Variants in PPIP5K2 observed in about 807,000 individuals in gnomAD.
PPIP5K2 encodes the protein inositol hexakisphosphate and diphosphoinositol-pentakisphosphate kinase 2.
In PPIP5K2, 105 loss-of-function variants were observed where a neutral mutation model predicts 154.6. The observed-to-expected ratio is 0.68, with a 90% confidence interval of 0.58 to 0.80. PPIP5K2 has a LOEUF of 0.80. Ranked by LOEUF, PPIP5K2 falls within the 30% of genes least tolerant of loss-of-function variation. The probability of loss-of-function intolerance (pLI) is 0.00; values close to 1 mark genes in which losing one functional copy is unlikely to be tolerated. For missense variants in PPIP5K2, 992 were observed against 1,504.6 expected (o/e 0.66, Z 5.64); for synonymous variants, 480 against 490.3 (o/e 0.98, Z 0.28).
chr5:103,142,075 G>A (rs1792813551), intron 5 of PPIP5K2, among the ~76,000 whole-genome samples: 1 of 152,210 alleles, frequency 6.6e-6, no homozygotes, highest in African/African-American at 2.4e-5. Context: ...TGGGCGCCGT[G>A]GAGCAGGGGG....
At chr5:103,131,861 A>C (rs961611845) in intron 2 of PPIP5K2, among the ~76,000 whole-genome samples, 1 of 152,292 alleles carries the variant, frequency 6.6e-6, no homozygotes, top group Admixed American at 6.5e-5. Context: ...TAAGAATGTA[A>C]GTTTATTTAT....
intron 25 of PPIP5K2, chr5:103,184,453 TC>T (rs1800038428): frequency 4.7e-6 from 2 of 423,048 alleles, no homozygotes; most frequent in Non-Finnish European, 8.5e-6. Context: ...GATGTTTCAT[TC>T]TGAATGCCTG....
chr5:103,167,506 A>C (rs1797313980), intron 18 of PPIP5K2, among the ~76,000 whole-genome samples, 186 bp downstream of exon 18: 1 of 152,042 alleles, frequency 6.6e-6, no homozygotes, highest in Non-Finnish European at 1.5e-5. Flanking sequence ...CCATGACAGC[A>C]TGAAAGAGAA....
At position 103,159,047 on chromosome 5, in the gene PPIP5K2, A is replaced by G. The variant is rs257292; in HGVS notation, c.1738-99A>G. On this transcript the variant is annotated intron_variant, in intron 16 of 30. Coordinates refer to ENST00000358359, the MANE Select transcript of PPIP5K2 (RefSeq NM_001276277.3). ...GTAGTATTAATAAAGTTTATTTATGATAAACTTAACTTATACTTTATGAAA... is the reference window on the plus strand; with the variant it reads ...GTAGTATTAATAAAGTTTATTTATGGTAAACTTAACTTATACTTTATGAAA... 299,122 of 837,064 alleles carry G rather than the reference A, an allele frequency of 0.36. 55,931 individuals carry two copies. Among genetic ancestry groups the G allele is most frequent in the African/African-American group, 0.53 (29,661 of 56,226 alleles). 51.9% of individuals were successfully genotyped at this position (837,064 alleles called of 1,614,324 possible).
In PPIP5K2 at chr5:103,151,387, A is replaced by T; in HGVS notation, c.1028+13A>T. The T allele has an allele frequency of 6.3e-7, 1 of 1,579,652 alleles. No homozygotes were observed. Among genetic ancestry groups the T allele is most frequent in the Non-Finnish European group, 8.6e-7 (1 of 1,159,624 alleles). ...CAAAAATACTTGGGTAAGAATTTTT[A>T]AATTTTTCTTTTTACCTTCATATAC... On this transcript the variant is annotated intron_variant, in intron 9 of 30. Coordinates refer to ENST00000358359, the MANE Select transcript of PPIP5K2 (RefSeq NM_001276277.3).
rs1201162776 is a variant in PPIP5K2, at chr5:103,210,107, A to G, written c.*8473A>G. On this transcript the variant is annotated 3_prime_UTR_variant, in exon 31 of 31. Transcript: ENST00000358359. ...CGGTGAAATAGATGTAAAAGCCACA[A>G]AGAGAGAATCAATGAGCCACACTCA... is the stretch of plus-strand genomic sequence containing the variant. 1.3e-5 allele frequency: 2 copies of G among 152,214 alleles called. No homozygotes were observed. The highest frequency in any genetic ancestry group is 1.3e-4 in the Admixed American group (2 of 15,258). The allele number at this position is 152,214 out of a possible 1,614,324, so 9.4% of individuals were successfully genotyped here. A position where few individuals can be genotyped will look rare whatever the true frequency, so the allele number is the denominator to read the frequency against.
chr5:103,172,646 C>T (rs1411715532), intron 19 of PPIP5K2, among the ~76,000 whole-genome samples: 1 of 151,558 alleles, frequency 6.6e-6, no homozygotes, highest in Non-Finnish European at 1.5e-5. Flanking sequence ...ATGATTATGT[C>T]ATTAAATTTG....
intron 24 of PPIP5K2, 134 bp from the exon 25 acceptor site, chr5:103,183,100 A>C: frequency 1.2e-6 from 1 of 837,598 alleles, no homozygotes; most frequent in East Asian, 3.4e-5. Context: ...AAAAATTAAT[A>C]AGCAAATATG....
chr5:103,142,020 G>A (rs1424950980), intron 5 of PPIP5K2, among the ~76,000 whole-genome samples: 5 of 152,220 alleles, frequency 3.3e-5, no homozygotes, highest in Admixed American at 1.3e-4. Context: ...TGCCAGTCAC[G>A]CGCCGTGTGC....
chr5:103,146,569 G>A lies in PPIP5K2; in HGVS notation c.530G>A (p.Gly177Glu). The change falls in exon 6 of 31, where the codon GGG becomes GAG. Residue 177 changes from glycine to glutamate, a missense_variant. By Grantham distance (98) the Gly-to-Glu change is moderately conservative (BLOSUM62 -2). Coordinates refer to ENST00000358359, the MANE Select transcript of PPIP5K2 (RefSeq NM_001276277.3). ...IEGEDHVEVN[G>E]EVFQKPFVEK... ...GGGGAAGATCATGTAGAAGTAAATG[G>A]GGAAGTTTTTCAAAAGCCATTTGTA... 6.2e-7 allele frequency: 1 copy of A among 1,611,862 alleles called. No individual in the cohort carries two copies. Among genetic ancestry groups the A allele is most frequent in the Non-Finnish European group, 8.5e-7 (1 of 1,178,996 alleles).
chr5:103,133,715 G>T lies in PPIP5K2; in HGVS notation c.310+67G>T. ...TTTATAAAACTAATACATATTAATTGTAGACTATGAGATAAAACAGAAAAA... is the reference window on the plus strand; with the variant it reads ...TTTATAAAACTAATACATATTAATTTTAGACTATGAGATAAAACAGAAAAA... On this transcript the variant is annotated intron_variant, in intron 3 of 30. Coordinates refer to ENST00000358359, the MANE Select transcript of PPIP5K2 (RefSeq NM_001276277.3). The T allele has an allele frequency of 4.7e-6, 6 of 1,285,578 alleles. No individual in the cohort carries two copies. In the South Asian group the frequency reaches 1.1e-4, roughly 24 times the overall value. 79.6% of individuals were successfully genotyped at this position (1,285,578 alleles called of 1,614,324 possible).
intron 2 of PPIP5K2, among the ~76,000 whole-genome samples, chr5:103,131,419 C>T (rs797036477): frequency 1.1e-4 from 17 of 152,154 alleles, no homozygotes; most frequent in African/African-American, 3.9e-4. Flanking sequence ...TGTATATGTT[C>T]AGTACAGATG....
intron 15 of PPIP5K2, 67 bp downstream of exon 15, chr5:103,158,380 A>T: frequency 6.3e-7 from 1 of 1,593,830 alleles, no homozygotes; most frequent in East Asian, 2.2e-5. Flanking sequence ...CTCATTTGTG[A>T]TGTTATTAAA....
At chr5:103,157,962 A>G (rs1439353661) in intron 14 of PPIP5K2, among the ~76,000 whole-genome samples, 1 of 152,208 alleles carries the variant, frequency 6.6e-6, no homozygotes, top group Non-Finnish European at 1.5e-5. Context: ...AGAGATTTTC[A>G]AATTTCAGTA....
intron 29 of PPIP5K2, 66 bp downstream of exon 29, chr5:103,191,048 C>T: frequency 1.4e-6 from 2 of 1,456,614 alleles, no homozygotes; most frequent in Admixed American, 2.0e-5. Context: ...CTGAGTATAA[C>T]AGGAATTATA....
Position 103,190,842 on chromosome 5 carries a change from G to A in PPIP5K2, c.3353G>A (p.Gly1118Asp), listed in dbSNP as rs1801121484. Residue 1118 changes from glycine (G) to aspartate (D), a missense_variant and splice_region_variant, in exon 29 of 31, where the codon GGC (glycine) becomes GAC (aspartate). By Grantham distance (94) the Gly-to-Asp change is moderately conservative. Transcript: ENST00000358359. ...SISFARHPTN[G>D]FELYSMVPSI... is the part of the protein sequence containing the mutation. ...TGTTTTTGGTTTTTTTCTCTTCTAG[G>A]CTTTGAATTGTATTCCATGGTGCCA... The A allele has an allele frequency of 6.4e-7, 1 of 1,569,554 alleles. No homozygotes were observed. The highest frequency in any genetic ancestry group is 8.6e-7 in the Non-Finnish European group (1 of 1,163,198).
At chr5:103,126,437 A>G (rs80225956) in intron 1 of PPIP5K2, among the ~76,000 whole-genome samples, 4,048 of 152,312 alleles carry the variant, frequency 0.027, 85 homozygotes, top group Non-Finnish European at 0.042. Context: ...ACTTACACAC[A>G]TATTTTGTAA....
At chr5:103,190,768 A>C (rs1157534943) in intron 28 of PPIP5K2, 74 bp from the exon 29 acceptor site, 1 of 1,355,150 alleles carries the variant, frequency 7.4e-7, no homozygotes, top group East Asian at 2.4e-5. Flanking sequence ...TCTAAGCAGT[A>C]GTCTTCCTTT....
Position 103,168,264 on chromosome 5 carries a change from C to T in PPIP5K2, c.2255C>T (p.Ser752Leu), listed in dbSNP as rs782804743. 2.2e-5 allele frequency: 35 copies of T among 1,607,060 alleles called. No individual in the cohort carries two copies. Among genetic ancestry groups the T allele is most frequent in the East Asian group, 2.2e-5 (1 of 44,622 alleles). ...AACACAATGGAATTATATAGGCTTT[C>T]GAAGGCATTAGCAGATATTGTTATC... is the stretch of plus-strand genomic sequence containing the variant. ...LENTMELYRL[S>L]KALADIVIPQ... Residue 752 changes from serine to leucine, a missense_variant, in exon 19 of 31, where the codon TCG (serine) becomes TTG (leucine). Physicochemically the swap from Ser to Leu is moderately radical, Grantham distance 145. This residue lies in a region of PPIP5K2 where 157 missense variants were observed against 281.2 expected (regional missense o/e 0.56). Coordinates refer to ENST00000358359, the MANE Select transcript of PPIP5K2 (RefSeq NM_001276277.3).
Sources: allele counts gnomAD v4.1 joint callset (sites outside exome capture counted in the v4.1 genomes callset), GRCh38; gene constraint gnomAD v4.1.1; regional missense constraint gnomAD v4.1.1; transcripts MANE v1.5; gene names NCBI Gene and HGNC (gene_info 2026-07-23, HGNC 2026-07-21).